Variants in FTO observed in about 807,000 individuals in gnomAD.
The protein encoded by FTO is alpha-ketoglutarate-dependent dioxygenase FTO.
A neutral mutation model predicts 63.9 loss-of-function variants in FTO; 47 were observed. The observed-to-expected ratio is 0.74, with a 90% CI of 0.58 to 0.94. The LOEUF is 0.94. Ranked by LOEUF, FTO falls within the 40% of genes least tolerant of loss-of-function variation. FTO has a pLI of 0.00. For missense variants in FTO, 562 were observed against 618.1 expected (o/e 0.91, Z 0.96); for synonymous variants, 207 against 224.4 (o/e 0.92, Z 0.69).
intron 2 of FTO, among the ~76,000 whole-genome samples, chr16:53,819,790 G>C (rs1448188316): frequency 6.6e-6 from 1 of 152,044 alleles, no homozygotes; most frequent in Admixed American, 6.6e-5. Context: ...TAAATTTCCA[G>C]AGGCATACAA....
At chr16:53,704,046 G>GGGAGTTGT (rs1484754446), upstream of FTO, 11 of 920,494 alleles carry the variant, frequency 1.2e-5, no homozygotes, top group Admixed American at 1.0e-4. Context: ...GGTGCATCCT[G>GGGAGTTGT]GGAGTTGTAG....
At chr16:53,960,716 G>T (rs906817911) in intron 8 of FTO, among the ~76,000 whole-genome samples, 9 of 150,936 alleles carry the variant, frequency 6.0e-5, no homozygotes, top group African/African-American at 2.0e-4. Context: ...AGAAATGGGG[G>T]TGGGGGGGGC....
intron 1 of FTO, among the ~76,000 whole-genome samples, chr16:53,799,788 C>G (rs1026192887): frequency 6.6e-6 from 1 of 152,122 alleles, no homozygotes; most frequent in Non-Finnish European, 1.5e-5. Context: ...TTGAGTGAAC[C>G]TAGGTAATTT....
intron 4 of FTO, among the ~76,000 whole-genome samples, chr16:53,872,802 T>G: frequency 6.6e-6 from 1 of 152,224 alleles, no homozygotes; most frequent in East Asian, 1.9e-4. Flanking sequence ...GGTATCTTGA[T>G]AAAAATCTTG....
upstream of FTO, chr16:53,704,139 AGGGATCTAC>A (rs1555620055): frequency 6.5e-7 from 1 of 1,544,878 alleles, no homozygotes. Context: ...GTCCAGGGCG[AGGGATCTAC>A]GCAGCTTGCG....
intron 8 of FTO, among the ~76,000 whole-genome samples, chr16:54,062,540 CT>C (rs1167335765): frequency 8.5e-5 from 13 of 152,160 alleles, no homozygotes; most frequent in Non-Finnish European, 1.5e-4. Context: ...GCCCCGCCCC[CT>C]TTTTTTCTTT....
chr16:53,963,935 T>G (rs577540020), intron 8 of FTO, among the ~76,000 whole-genome samples: 1 of 152,166 alleles, frequency 6.6e-6, no homozygotes, highest in African/African-American at 2.4e-5. Flanking sequence ...ATATTTTTAG[T>G]AGAGACAGGG....
chr16:54,081,333 T>C (rs1041540729), intron 8 of FTO, among the ~76,000 whole-genome samples: 1 of 152,236 alleles, frequency 6.6e-6, no homozygotes, highest in East Asian at 1.9e-4. Flanking sequence ...CCTAATTTCA[T>C]TTTCCAGCAA....
At chr16:53,825,264 A>G (rs1371672223) in intron 2 of FTO, among the ~76,000 whole-genome samples, 1 of 152,192 alleles carries the variant, frequency 6.6e-6, no homozygotes, top group Non-Finnish European at 1.5e-5. Flanking sequence ...ATTTATTGAG[A>G]CAATGCATTC....
chr16:54,103,687 A>G (rs2144604269), intron 8 of FTO, among the ~76,000 whole-genome samples: 1 of 152,364 alleles, frequency 6.6e-6, no homozygotes, highest in South Asian at 2.1e-4. Flanking sequence ...GATAGCTGTA[A>G]GTATGACTGG....
chr16:54,077,652 CTCAG>C (rs1341031052), intron 8 of FTO, among the ~76,000 whole-genome samples: 1 of 152,158 alleles, frequency 6.6e-6, no homozygotes, highest in East Asian at 1.9e-4. Flanking sequence ...CCTGAGTCCC[CTCAG>C]TCAGGCAGGC....
chr16:54,041,838 G>C (rs1309910201), intron 8 of FTO, among the ~76,000 whole-genome samples: 1 of 152,212 alleles, frequency 6.6e-6, no homozygotes, highest in South Asian at 2.1e-4. Context: ...GAGGTTGAGA[G>C]TGTCTAACAA....
At chr16:53,956,103 C>T (rs1567471636) in intron 8 of FTO, among the ~76,000 whole-genome samples, 1 of 151,954 alleles carries the variant, frequency 6.6e-6, no homozygotes, top group Non-Finnish European at 1.5e-5. Flanking sequence ...TGGTTTCATC[C>T]CCATGTTATA....
At chr16:53,870,184 G>T (rs952277067) in intron 4 of FTO, among the ~76,000 whole-genome samples, 1 of 152,074 alleles carries the variant, frequency 6.6e-6, no homozygotes, top group African/African-American at 2.4e-5. Context: ...CTCCAGCCTG[G>T]ATGACAAGTG....
chr16:53,982,373 T>A (rs1423493922), intron 8 of FTO, among the ~76,000 whole-genome samples: 1 of 152,198 alleles, frequency 6.6e-6, no homozygotes, highest in Non-Finnish European at 1.5e-5. Context: ...TGGTGTAAGT[T>A]AAATATGAAG....
intron 8 of FTO, among the ~76,000 whole-genome samples, chr16:53,988,647 A>G (rs1240985036): frequency 6.6e-6 from 1 of 152,216 alleles, no homozygotes; most frequent in Non-Finnish European, 1.5e-5. Context: ...AGGCAGACTC[A>G]TAGGTAGGTA....
intron 8 of FTO, among the ~76,000 whole-genome samples, chr16:54,030,875 C>A (rs1323831967): frequency 6.6e-6 from 1 of 152,100 alleles, no homozygotes; most frequent in Non-Finnish European, 1.5e-5. Context: ...CCCTTTAGAA[C>A]AAAAACTGTT....
At chr16:53,909,569 G>T (rs536703091) in intron 7 of FTO, among the ~76,000 whole-genome samples, 69 of 69,470 alleles carry the variant, frequency 9.9e-4, no homozygotes, top group African/African-American at 3.9e-3. Flanking sequence ...TTTTGAGACA[G>T]AGCCTTTTTT....
intron 8 of FTO, chr16:53,998,906 C>T (rs1339412250): frequency 6.6e-6 from 1 of 152,188 alleles, no homozygotes; most frequent in African/African-American, 2.4e-5. Flanking sequence ...CTTCTTTCTC[C>T]TGAGTTGTAC....
Sources: allele counts gnomAD v4.1 joint callset (sites outside exome capture counted in the v4.1 genomes callset), GRCh38; gene constraint gnomAD v4.1.1; transcripts MANE v1.5; gene names NCBI Gene and HGNC (gene_info 2026-07-23, HGNC 2026-07-21).